The following UNC5C variants were observed in gnomAD, a reference collection of about 807,000 sequenced individuals.
The protein encoded by UNC5C is netrin receptor UNC5C.
In UNC5C, 47 loss-of-function variants were observed where a neutral mutation model predicts 99.8. That is an observed-to-expected ratio of 0.47 (90% confidence interval 0.37 to 0.60). The LOEUF (loss-of-function observed/expected upper bound fraction) is 0.60, where lower values mean the gene tolerates loss of function less well. Among genes scored for constraint, UNC5C ranks in the 20% least tolerant of loss-of-function variants. The probability of loss-of-function intolerance (pLI) is 0.00; values close to 1 mark genes in which losing one functional copy is unlikely to be tolerated. For synonymous variants in UNC5C, 487 were observed against 452.2 expected (o/e 1.08, Z -0.98); for missense variants, 1,062 against 1,165.9 (o/e 0.91, Z 1.30).
intron 7 of UNC5C, among the ~76,000 whole-genome samples, chr4:95,241,240 T>C (rs1322427596): frequency 6.6e-6 from 1 of 152,192 alleles, no homozygotes; most frequent in African/African-American, 2.4e-5. Flanking sequence ...AGGTTCACAG[T>C]GGCAGGCCCC....
chr4:95,288,217 G>A (rs1309454607), intron 3 of UNC5C, among the ~76,000 whole-genome samples: 1 of 151,928 alleles, frequency 6.6e-6, no homozygotes, highest in East Asian at 1.9e-4. Context: ...CGAGTAGCTG[G>A]GACTACAGGC....
intron 1 of UNC5C, among the ~76,000 whole-genome samples, chr4:95,490,650 C>A (rs1721457914): frequency 6.6e-6 from 1 of 151,648 alleles, no homozygotes; most frequent in Non-Finnish European, 1.5e-5. Flanking sequence ...TCTCAATAAT[C>A]CTCCTGCTAA....
chr4:95,250,476 G>A lies in UNC5C; in HGVS notation c.775+11C>T. Reference sequence around the variant, plus strand: ...ACATGAACTAGATTGAGACCCTGAAGGGCCACTCACCATAGACTATGACAG... The same window carrying A: ...ACATGAACTAGATTGAGACCCTGAAAGGCCACTCACCATAGACTATGACAG... On this transcript the variant is annotated intron_variant, in intron 5 of 15. Coordinates refer to ENST00000453304, the MANE Select transcript of UNC5C (RefSeq NM_003728.4). The A allele has an allele frequency of 6.2e-7, 1 of 1,611,820 alleles. No homozygotes were observed. The highest frequency in any genetic ancestry group is 1.1e-5 in the South Asian group (1 of 90,634).
intron 3 of UNC5C, among the ~76,000 whole-genome samples, chr4:95,301,239 A>C (rs968566381): frequency 8.0e-6 from 1 of 124,452 alleles, no homozygotes; most frequent in Non-Finnish European, 1.6e-5. Flanking sequence ...TCTGTAGCCC[A>C]GGCTGGAGTG....
At chr4:95,371,297 A>G (rs368473945) in intron 1 of UNC5C, among the ~76,000 whole-genome samples, 1 of 152,174 alleles carries the variant, frequency 6.6e-6, no homozygotes, top group Non-Finnish European at 1.5e-5. Flanking sequence ...AAAGATGAGA[A>G]AAATCCATAC....
intron 2 of UNC5C, among the ~76,000 whole-genome samples, chr4:95,309,810 C>T (rs1449427703): frequency 6.6e-6 from 1 of 152,094 alleles, no homozygotes; most frequent in Non-Finnish European, 1.5e-5. Context: ...GCAAAGGGAA[C>T]CCTTGCACTC....
intron 1 of UNC5C, among the ~76,000 whole-genome samples, chr4:95,517,706 A>G (rs1285679450): frequency 2.6e-5 from 4 of 152,212 alleles, no homozygotes; most frequent in Non-Finnish European, 5.9e-5. Flanking sequence ...AAAAAACGGG[A>G]TACCAATAAG....
chr4:95,169,316 T>C lies in UNC5C; in HGVS notation c.2714A>G (p.Asn905Ser). The C allele has an allele frequency of 6.2e-7, 1 of 1,614,236 alleles. No individual in the cohort carries two copies. The highest frequency in any genetic ancestry group is 1.1e-5 in the South Asian group (1 of 91,088). The change falls in exon 16 of 16, where the codon AAC (asparagine) becomes AGC (serine). Residue 905 changes from asparagine (N) to serine (S), a missense_variant. Asn to Ser is a conservative substitution (Grantham distance 46). Around this residue, in one of 3 missense-constraint regions of UNC5C, gnomAD observed 810 missense variants for 854.5 expected, o/e 0.95. Transcript: ENST00000453304. ...CAAGACAGCTGCCAGCATGCTCAGG[T>C]TTCCATCTGGGAAGTTCTGTGCTTC... ...LWEAQNFPDG[N>S]LSMLAAVLEE... is the part of the protein sequence containing the mutation.
intron 14 of UNC5C, among the ~76,000 whole-genome samples, chr4:95,173,573 G>A (rs1254914022): frequency 7.2e-6 from 1 of 138,762 alleles, no homozygotes; most frequent in African/African-American, 2.7e-5. Context: ...AACCAGCCTT[G>A]CATCCCAGGG....
chr4:95,531,254 T>A (rs536694294), intron 1 of UNC5C, among the ~76,000 whole-genome samples: 3 of 152,318 alleles, frequency 2.0e-5, no homozygotes, highest in Admixed American at 6.5e-5. Flanking sequence ...CCTAAAGTAA[T>A]GTTTAAACAT....
chr4:95,338,922 A>G (rs1244111363), intron 1 of UNC5C, among the ~76,000 whole-genome samples: 1 of 152,054 alleles, frequency 6.6e-6, no homozygotes, highest in Admixed American at 6.6e-5. Context: ...AAATTTATTA[A>G]GAATTCTGAG....
intron 1 of UNC5C, among the ~76,000 whole-genome samples, chr4:95,366,264 G>A (rs997542285): frequency 6.6e-6 from 1 of 152,138 alleles, no homozygotes; most frequent in Admixed American, 6.5e-5. Flanking sequence ...AGCAGTTCAA[G>A]ACAAGCCTGG....
intron 14 of UNC5C, among the ~76,000 whole-genome samples, chr4:95,178,324 G>A (rs1184225799): frequency 1.3e-5 from 2 of 152,200 alleles, no homozygotes; most frequent in African/African-American, 4.8e-5. Flanking sequence ...GTGCCCTGGG[G>A]CCCCCCTGGG....
In UNC5C at chr4:95,440,251, C is replaced by T. The variant is rs137997366; in HGVS notation, c.125-104620G>A. 1.1e-3 allele frequency among the ~76,000 whole-genome samples: 167 copies of T among 152,276 alleles called. 4 individuals are homozygous for T. In the East Asian group the frequency reaches 0.032, roughly 29 times the overall value. ...TTGTTTTCAGTAGGAGGTGGCTTAC[C>T]TGTGTTTGCTGCCTTTGTTCTGTTT... On this transcript the variant is annotated intron_variant, in intron 1 of 15. Transcript: ENST00000453304.
chr4:95,176,527 T>TG (rs767721435), intron 14 of UNC5C, among the ~76,000 whole-genome samples: 5 of 151,912 alleles, frequency 3.3e-5, no homozygotes, highest in Non-Finnish European at 2.9e-5. Flanking sequence ...CTGCCCCTGC[T>TG]GGGGGGTGCC....
chr4:95,491,429 A>G (rs1239055741), intron 1 of UNC5C, among the ~76,000 whole-genome samples: 1 of 151,658 alleles, frequency 6.6e-6, no homozygotes, highest in African/African-American at 2.4e-5. Flanking sequence ...TTAAAGACTT[A>G]CATATGGAAA....
intron 1 of UNC5C, among the ~76,000 whole-genome samples, chr4:95,367,553 A>C (rs1387591914): frequency 2.0e-5 from 3 of 151,816 alleles, no homozygotes; most frequent in African/African-American, 7.2e-5. Flanking sequence ...TAAATATTCT[A>C]TATATTAAAT....
rs1254438024 is a variant in UNC5C, at chr4:95,180,993, G to A, written c.2451+1904C>T. Among the ~76,000 whole-genome samples, 3 of 152,106 alleles carry A rather than the reference G, an allele frequency of 2.0e-5. No homozygotes were observed. The East Asian group carries it at 5.8e-4, about 29-fold the overall frequency. On this transcript the variant is annotated intron_variant, in intron 14 of 15. Coordinates refer to ENST00000453304, the MANE Select transcript of UNC5C (RefSeq NM_003728.4). ...AGAGTCCATTGTTCTTCAGCGCAGAGGCTTCCTCTCCAACATCAGTACACC... is the reference window on the plus strand; with the variant it reads ...AGAGTCCATTGTTCTTCAGCGCAGAAGCTTCCTCTCCAACATCAGTACACC...
intron 14 of UNC5C, among the ~76,000 whole-genome samples, chr4:95,177,823 T>C (rs746949603): frequency 5.1e-4 from 77 of 151,660 alleles, no homozygotes; most frequent in Non-Finnish European, 1.1e-3. Flanking sequence ...CACCTCAGTC[T>C]CCCAAATAGC....
Sources: gnomAD v4.1 joint callset for allele counts (sites outside exome capture counted in the v4.1 genomes callset) on GRCh38, gnomAD v4.1.1 for gene constraint, gnomAD v4.1.1 regional missense constraint, MANE v1.5 for transcripts, NCBI Gene and HGNC (gene_info 2026-07-23, HGNC 2026-07-21) for gene names.